Variants in CDK12 observed in about 807,000 individuals in gnomAD.
CDK12 encodes the protein cyclin dependent kinase 12.
CDK12 carries 17 observed loss-of-function variants against 133.8 expected under a neutral mutation model. The ratio of observed to expected loss-of-function variants is 0.13; its 90% confidence interval spans 0.09 to 0.19. The LOEUF (loss-of-function observed/expected upper bound fraction) is 0.19. Ranked by LOEUF, CDK12 falls within the 10% of genes least tolerant of loss-of-function variation. The probability of loss-of-function intolerance (pLI) is 1.00; values close to 1 mark genes in which losing one functional copy is unlikely to be tolerated. For synonymous variants in CDK12, 694 were observed against 683.6 expected (o/e 1.02, Z -0.24); for missense variants, 1,508 against 1,818.7 (o/e 0.83, Z 3.11).
upstream of CDK12, among the ~76,000 whole-genome samples, chr17:39,545,802 C>CT (rs200712801): frequency 2.1e-3 from 296 of 141,452 alleles, 2 homozygotes; most frequent in Middle Eastern, 7.8e-3. Flanking sequence ...TCCTTCCTTC[C>CT]TTTTTTTTTT....
chr17:39,481,209 C>T (rs555124846), intron 2 of CDK12, among the ~76,000 whole-genome samples: 2 of 148,972 alleles, frequency 1.3e-5, no homozygotes, highest in African/African-American at 2.5e-5. Flanking sequence ...GCCGAGATCA[C>T]GCCATTGCAC....
chr17:39,504,429 G>A (rs2052947472), intron 6 of CDK12, among the ~76,000 whole-genome samples: 1 of 152,156 alleles, frequency 6.6e-6, no homozygotes, highest in Non-Finnish European at 1.5e-5. Context: ...GATGTCAGAT[G>A]ATGCAGGCAA....
intron 13 of CDK12, 143 bp from the exon 14 acceptor site, chr17:39,530,461 C>T (rs555319076): frequency 4.9e-6 from 6 of 1,227,190 alleles, no homozygotes; most frequent in Middle Eastern, 6.1e-4. Flanking sequence ...TTTATAATTG[C>T]AATTTTCTGA....
chr17:39,528,148 G>A (rs552819705), intron 13 of CDK12, among the ~76,000 whole-genome samples: 3 of 148,662 alleles, frequency 2.0e-5, no homozygotes, highest in Non-Finnish European at 4.5e-5. Context: ...TTGAACTGCC[G>A]ACCTCTGGTG....
In CDK12 at chr17:39,532,249, T is replaced by C; in HGVS notation, c.*933T>C. The C allele has an allele frequency of 4.3e-6, 1 of 233,234 alleles. No homozygotes were observed. Among genetic ancestry groups the C allele is most frequent in the Non-Finnish European group, 8.5e-6 (1 of 118,004 alleles). 14.4% of individuals were successfully genotyped at this position (233,234 alleles called of 1,614,324 possible). ...GGATAATTCTTTACTTTTTTTGAAA[T>C]AAAGGAAAGGAAATTCAGACTCTTA... On this transcript the variant is annotated 3_prime_UTR_variant, in exon 14 of 14. Transcript: ENST00000447079.
chr17:39,499,309 G>A (rs1361073459), intron 5 of CDK12, among the ~76,000 whole-genome samples: 1 of 147,992 alleles, frequency 6.8e-6, no homozygotes, highest in Non-Finnish European at 1.5e-5. Flanking sequence ...CTGGGTTCAA[G>A]CGATTGTCAT....
chr17:39,556,253 A>G (rs1215777095), intron 2 of CDK12: 2 of 152,092 alleles, frequency 1.3e-5, no homozygotes, highest in Non-Finnish European at 2.9e-5. Context: ...CCAGCTCCCA[A>G]CTGAGAGCTA....
chr17:39,472,661 G>T (rs1478110108), intron 2 of CDK12, among the ~76,000 whole-genome samples: 1 of 152,104 alleles, frequency 6.6e-6, no homozygotes, highest in Non-Finnish European at 1.5e-5. Flanking sequence ...TGGATATCAT[G>T]ACACTTTACT....
chr17:39,531,220 G>A lies in CDK12; in HGVS notation c.4377G>A (p.Trp1459Ter), dbSNP rs757938934. ...GASSSGAGLH[W>*]GGPTQSSAYG... ...GCAGCTCAGGAGCAGGCCTTCACTG[G>A]GGGGGCCCAACTCAGTCTTCTGCTT... The change falls in exon 14 of 14, where the codon TGG (tryptophan) becomes TGA (stop). Residue 1459 changes from tryptophan to a stop codon, truncating the protein, a stop_gained. Coordinates refer to ENST00000447079, the MANE Select transcript of CDK12 (RefSeq NM_016507.4). LOFTEE classifies it high-confidence loss of function. The A allele has an allele frequency of 6.6e-7, 1 of 1,516,630 alleles. No homozygotes were observed. The highest frequency in any genetic ancestry group is 8.8e-7 in the Non-Finnish European group (1 of 1,134,648). 93.9% of individuals were successfully genotyped at this position (1,516,630 alleles called of 1,614,324 possible).
Position 39,462,654 on chromosome 17 carries a change from A to G in CDK12, c.583A>G (p.Lys195Glu). 3.1e-6 allele frequency: 5 copies of G among 1,614,168 alleles called. No homozygotes were observed. The highest frequency in any genetic ancestry group is 4.2e-6 in the Non-Finnish European group (5 of 1,180,032). Residue 195 changes from lysine to glutamate, a missense_variant, in exon 1 of 14, where the codon AAA becomes GAA. This residue lies in a region of CDK12 where 460 missense variants were observed against 490.8 expected (regional missense o/e 0.94). Coordinates refer to ENST00000447079, the MANE Select transcript of CDK12 (RefSeq NM_016507.4). ...RKERELKSGH[K>E]DRSKSHRKRE... ...AGAACGGGAGCTGAAGTCTGGGCACAAAGACCGGAGTAAAAGTCATCGAAA... is the reference window on the plus strand; with the variant it reads ...AGAACGGGAGCTGAAGTCTGGGCACGAAGACCGGAGTAAAAGTCATCGAAA...
At chr17:39,561,316 G>A (rs541113727) in intron 3 of CDK12, among the ~76,000 whole-genome samples, 2 of 152,300 alleles carry the variant, frequency 1.3e-5, no homozygotes, top group South Asian at 4.1e-4. Flanking sequence ...ACTTTTTGTT[G>A]TTTTTGAACA....
At chr17:39,503,903 C>A (rs920151660) in intron 6 of CDK12, among the ~76,000 whole-genome samples, 66 of 152,272 alleles carry the variant, frequency 4.3e-4, no homozygotes, top group Admixed American at 3.3e-4. Context: ...AGAAGAGAGA[C>A]ACAGTCAATC....
Position 39,526,077 on chromosome 17 carries a change from C to A in CDK12, c.3521C>A (p.Ala1174Asp), listed in dbSNP as rs751266074. The A allele has an allele frequency of 6.2e-6, 10 of 1,614,100 alleles. No individual in the cohort carries two copies. In the South Asian group the frequency reaches 1.1e-4, roughly 18 times the overall value. The change falls in exon 13 of 14, where the codon GCC becomes GAC. Residue 1174 changes from alanine (A) to aspartate (D), a missense_variant. Coordinates refer to ENST00000447079, the MANE Select transcript of CDK12 (RefSeq NM_016507.4). ...TSQQQDSETM[A>D]PEESLKEAPS... is the part of the protein sequence containing the mutation. Reference sequence around the variant, plus strand: ...CAGCAGCAGGACTCAGAGACCATGGCCCCAGAGGAGTCTTTGAAGGAAGCA... The same window carrying A: ...CAGCAGCAGGACTCAGAGACCATGGACCCAGAGGAGTCTTTGAAGGAAGCA...
chr17:39,467,248 A>T (rs188060916), intron 1 of CDK12, among the ~76,000 whole-genome samples: 1 of 152,294 alleles, frequency 6.6e-6, no homozygotes, highest in Non-Finnish European at 1.5e-5. Flanking sequence ...AAGCGCTGGG[A>T]TTACAGGCAT....
intron 1 of CDK12, among the ~76,000 whole-genome samples, chr17:39,464,685 A>G (rs1042923739): frequency 2.6e-5 from 4 of 152,048 alleles, no homozygotes. Context: ...ATTTTCCAGC[A>G]CAGAAAGGTT....
chr17:39,464,339 G>A (rs575011987), intron 1 of CDK12, among the ~76,000 whole-genome samples: 2 of 151,636 alleles, frequency 1.3e-5, no homozygotes, highest in East Asian at 3.9e-4. Context: ...GTCCACCTCA[G>A]CCTCCTGAGT....
chr17:39,497,361 T>C (rs552367961), intron 5 of CDK12, among the ~76,000 whole-genome samples: 78 of 152,164 alleles, frequency 5.1e-4, no homozygotes, highest in African/African-American at 1.8e-3. Context: ...CTGGCCAACA[T>C]GGTGAAACCC....
chr17:39,490,718 A>G lies in CDK12; in HGVS notation c.2093A>G (p.Tyr698Cys), dbSNP rs145090341. The stretch of plus-strand genomic sequence containing the variant: ...GCAATCACACCACCTCAGCAACCAT[A>G]TAAAAAGAGACCAAAGTGAGTTTTT... The part of the protein sequence containing the change: ...PKAITPPQQP[Y>C]KKRPKICCPR... Residue 698 changes from tyrosine (Y) to cysteine (C), a missense_variant, in exon 3 of 14, where the codon TAT (tyrosine) becomes TGT (cysteine). Tyr to Cys is a radical substitution (Grantham distance 194). Transcript: ENST00000447079. The G allele has an allele frequency of 3.1e-6, 5 of 1,601,410 alleles. No individual in the cohort carries two copies. The highest frequency in any genetic ancestry group is 3.5e-5 in the Admixed American group (2 of 56,980).
At chr17:39,518,460 C>G (rs1278087956) in intron 10 of CDK12, among the ~76,000 whole-genome samples, 1 of 151,884 alleles carries the variant, frequency 6.6e-6, no homozygotes, top group Non-Finnish European at 1.5e-5. Flanking sequence ...GAGGCTGAGG[C>G]AGGAAGATCA....
Sources: allele counts gnomAD v4.1 joint callset (sites outside exome capture counted in the v4.1 genomes callset), GRCh38; gene constraint gnomAD v4.1.1; regional missense constraint gnomAD v4.1.1; transcripts MANE v1.5; gene names NCBI Gene and HGNC (gene_info 2026-07-23, HGNC 2026-07-21).